The following NR1I3 variants were observed in gnomAD, a reference collection of about 807,000 sequenced individuals.
The protein encoded by NR1I3 is nuclear receptor subfamily 1 group I member 3.
A neutral mutation model predicts 38.4 loss-of-function variants in NR1I3; 30 were observed. That is an observed-to-expected ratio of 0.78 (90% CI 0.58 to 1.06). NR1I3 has a LOEUF of 1.06. Among genes scored for constraint, NR1I3 ranks in the 50% least tolerant of loss-of-function variants. NR1I3 has a pLI of 0.00. For missense variants in NR1I3, 388 were observed against 435.7 expected (o/e 0.89, Z 0.97); for synonymous variants, 143 against 165.1 (o/e 0.87, Z 1.03).
Position 161,230,805 on chromosome 1 carries a change from C to T in NR1I3, c.917+8G>A, listed in dbSNP as rs1667032614. The T allele has an allele frequency of 6.2e-7, 1 of 1,613,954 alleles. No individual in the cohort carries two copies. The highest frequency in any genetic ancestry group is 1.3e-5 in the African/African-American group (1 of 74,926). ...TGTGGCCTCCAAGCCCTCAGTGTCC[C>T]ACCGTACCGATCCCGGGGCCTTCGC... On this transcript the variant is annotated splice_region_variant and intron_variant, in intron 8 of 8. Transcript: ENST00000367983.
chr1:161,230,926 A>G lies in NR1I3; in HGVS notation c.812-8T>C. The G allele has an allele frequency of 6.2e-7, 1 of 1,614,068 alleles. No individual in the cohort carries two copies. The highest frequency in any genetic ancestry group is 1.1e-5 in the South Asian group (1 of 91,090). On this transcript the variant is annotated splice_region_variant and splice_polypyrimidine_tract_variant and intron_variant, in intron 7 of 8. Transcript: ENST00000367983. ...GGGTAACTCCAGGTCGGTCTGTAAG[A>G]TAGGGAGCTGGGAAGGACAAGTTGG...
intron 3 of NR1I3, 39 bp from the exon 4 acceptor site, chr1:161,233,377 C>A: frequency 6.3e-7 from 1 of 1,597,120 alleles, no homozygotes; most frequent in South Asian, 1.1e-5. Context: ...CTGTTGAGAC[C>A]AGCAGAGCAT....
intron 1 of NR1I3, among the ~76,000 whole-genome samples, chr1:161,236,963 T>C (rs2102202497): frequency 6.6e-6 from 1 of 150,728 alleles, no homozygotes; most frequent in South Asian, 2.1e-4. Context: ...GGTTGGTTTT[T>C]TTGTTTATTT....
rs777436441 is a variant in NR1I3, at chr1:161,229,784, A to G, written c.*13T>C. Reference sequence around the variant, plus strand: ...GTGTTCCAGGTGAGCTGGGGAAGGAAGTGAGCATGGCCTCAGCTGCAGATC... The same window carrying G: ...GTGTTCCAGGTGAGCTGGGGAAGGAGGTGAGCATGGCCTCAGCTGCAGATC... On this transcript the variant is annotated 3_prime_UTR_variant, in exon 9 of 9. Coordinates refer to ENST00000367983, the MANE Select transcript of NR1I3 (RefSeq NM_005122.5). The G allele has an allele frequency of 1.2e-6, 2 of 1,614,220 alleles. No individual in the cohort carries two copies. The highest frequency in any genetic ancestry group is 3.3e-5 in the Admixed American group (2 of 60,020).
At chr1:161,235,170 G>A (rs1255799979) in intron 3 of NR1I3, 1 of 147,736 alleles carries the variant, frequency 6.8e-6, no homozygotes, top group Non-Finnish European at 1.5e-5. Flanking sequence ...GAAAAGACAA[G>A]ACTAGCCATG....
chr1:161,235,538 GA>G (rs1378585737), intron 3 of NR1I3: 1 of 279,756 alleles, frequency 3.6e-6, no homozygotes, highest in African/African-American at 2.3e-5. Context: ...AAAGTGCTGG[GA>G]TTACAGGCGT....
chr1:161,237,968 G>T, intron 1 of NR1I3, 73 bp downstream of exon 1: 2 of 1,436,202 alleles, frequency 1.4e-6, no homozygotes, highest in Non-Finnish European at 9.8e-7. Context: ...ACACACGTGA[G>T]CCACTATGCC....
chr1:161,231,302 C>A, intron 6 of NR1I3, 27 bp downstream of exon 6: 1 of 1,607,316 alleles, frequency 6.2e-7, no homozygotes, highest in Non-Finnish European at 8.5e-7. Flanking sequence ...AGGACACATG[C>A]CCCCTATTGC....
At position 161,235,835 on chromosome 1, in the gene NR1I3, G is replaced by T; in HGVS notation, c.238+12C>A. 1 of 1,613,956 alleles carries T rather than the reference G, an allele frequency of 6.2e-7. No individual in the cohort carries two copies. Among genetic ancestry groups the T allele is most frequent in the Non-Finnish European group, 8.5e-7 (1 of 1,179,938 alleles). ...AGTCAATGGATTCTTGAGATGTAGGGGGCCAACTCACTGTCTTTCCTCATG... is the reference window on the plus strand; with the variant it reads ...AGTCAATGGATTCTTGAGATGTAGGTGGCCAACTCACTGTCTTTCCTCATG... On this transcript the variant is annotated intron_variant, in intron 3 of 8. Coordinates refer to ENST00000367983, the MANE Select transcript of NR1I3 (RefSeq NM_005122.5).
chr1:161,233,835 ATATGTG>A (rs760892956), intron 3 of NR1I3, among the ~76,000 whole-genome samples: 54 of 95,000 alleles, frequency 5.7e-4, no homozygotes, highest in Admixed American at 1.6e-3. Context: ...CATCATATAT[ATATGTG>A]TGTGTGTGTG....
chr1:161,232,874 AGT>A lies in NR1I3; in HGVS notation c.479_480del (p.His160LeufsTer17). ...ACCATGAAAGTGTTGATGTCTGCGA[AGT>A]GTGTGACCAGAGGCAGCACAGGGGC... ...TLAPVLPLVTHFADINTFMVL... is the reference protein window; with the variant it reads ...TLAPVLPLVTXFADINTFMVL... On this transcript the variant is annotated frameshift_variant, in exon 5 of 9. Transcript: ENST00000367983. LOFTEE classifies it high-confidence loss of function. 1 of 1,614,226 alleles carries A rather than the reference AGT, an allele frequency of 6.2e-7. No individual in the cohort carries two copies. The highest frequency in any genetic ancestry group is 1.1e-5 in the South Asian group (1 of 91,082).
In NR1I3 at chr1:161,229,829, T is replaced by C; in HGVS notation, c.1015A>G (p.Met339Val). 6.2e-7 allele frequency: 1 copy of C among 1,614,220 alleles called. No homozygotes were observed. The highest frequency in any genetic ancestry group is 1.1e-5 in the South Asian group (1 of 91,092). ...QIQHIQGLSAMMPLLQEICS is the reference protein window; with the variant it reads ...QIQHIQGLSAVMPLLQEICS ...CAGATCTCCTGGAGCAGCGGCATCA[T>C]GGCAGACAGGCCCTGGATGTGCTGG... Residue 339 changes from methionine to valine, a missense_variant, in exon 9 of 9, where the codon ATG (methionine) becomes GTG (valine). By Grantham distance (21) the Met-to-Val change is conservative. Coordinates refer to ENST00000367983, the MANE Select transcript of NR1I3 (RefSeq NM_005122.5).
intron 1 of NR1I3, 68 bp from the exon 2 acceptor site, chr1:161,236,666 GTC>G: frequency 1.3e-6 from 2 of 1,505,864 alleles, no homozygotes; most frequent in Non-Finnish European, 1.8e-6. Flanking sequence ...CTTCTAGAGA[GTC>G]TCTTTCCAAA....
intron 5 of NR1I3, 33 bp from the exon 6 acceptor site, chr1:161,231,507 A>AT (rs111679990): frequency 0.028 from 30,683 of 1,113,934 alleles, no homozygotes; most frequent in South Asian, 0.034. Context: ...ACACTTTTCA[A>AT]TTTTTTTTTT....
chr1:161,233,564 C>T (rs1454034800), intron 3 of NR1I3, among the ~76,000 whole-genome samples: 2 of 151,946 alleles, frequency 1.3e-5, no homozygotes, highest in Non-Finnish European at 2.9e-5. Context: ...CAGAAAACTG[C>T]ACTGTGGGGG....
At chr1:161,232,433 G>A (rs776974735) in intron 5 of NR1I3, among the ~76,000 whole-genome samples, 11 of 152,136 alleles carry the variant, frequency 7.2e-5, no homozygotes, top group Non-Finnish European at 1.6e-4. Context: ...GAGTACCTGG[G>A]ACTACAGGCA....
intron 5 of NR1I3, among the ~76,000 whole-genome samples, chr1:161,231,685 A>G (rs1442379914): frequency 6.6e-6 from 1 of 152,004 alleles, no homozygotes; most frequent in Admixed American, 6.6e-5. Context: ...TATTTTTAGT[A>G]GAGACGGGTT....
At chr1:161,236,726 GTT>G (rs1553254764) in intron 1 of NR1I3, 128 bp from the exon 2 acceptor site, 1 of 588,478 alleles carries the variant, frequency 1.7e-6, no homozygotes, top group Non-Finnish European at 2.8e-6. Context: ...ATCTTTTGTG[GTT>G]TTCTTTTTCT....
At chr1:161,230,208 A>G (rs1415015361) in intron 8 of NR1I3, 6 of 422,002 alleles carry the variant, frequency 1.4e-5, no homozygotes, top group Admixed American at 4.0e-5. Context: ...AACTCCAACC[A>G]TGTGGAATCT....
Sources: gnomAD v4.1 joint callset for allele counts (sites outside exome capture counted in the v4.1 genomes callset) on GRCh38, gnomAD v4.1.1 for gene constraint, MANE v1.5 for transcripts, NCBI Gene and HGNC (gene_info 2026-07-23, HGNC 2026-07-21) for gene names.